ZNF292: variants seen among roughly 807,000 people sequenced by gnomAD.
ZNF292 encodes 16 zinc-finger domain protein.
In ZNF292, 26 loss-of-function variants were observed where a neutral mutation model predicts 217.9. The observed-to-expected ratio is 0.12, with a 90% CI of 0.09 to 0.17. ZNF292 has a LOEUF of 0.17. Ranked by LOEUF, ZNF292 falls within the 10% of genes least tolerant of loss-of-function variation. ZNF292 has a pLI of 1.00. For synonymous variants in ZNF292, 1,257 were observed against 1,124.1 expected, an observed-to-expected ratio of 1.12 and a Z score of -2.37; for missense variants, 2,904 against 3,175.2, an observed-to-expected ratio of 0.91 and a Z score of 2.05.
intron 1 of ZNF292, among the ~76,000 whole-genome samples, chr6:87,202,804 A>G (rs960905499): frequency 1.3e-5 from 2 of 151,752 alleles, no homozygotes; most frequent in Non-Finnish European, 1.5e-5. Flanking sequence ...AAAGTATTAC[A>G]TACAGTAAGG....
intron 5 of ZNF292, among the ~76,000 whole-genome samples, chr6:87,234,185 G>A (rs1029272109): frequency 6.6e-6 from 1 of 152,158 alleles, no homozygotes; most frequent in African/African-American, 2.4e-5. Context: ...ATTTCAAAAG[G>A]AAGTTGGAAA....
Position 87,260,682 on chromosome 6 carries a change from T to A in ZNF292, c.7053T>A (p.Ile2351=), listed in dbSNP as rs750244682. Residue 2351 remains isoleucine, a synonymous_variant, in exon 8 of 8, where the codon ATT becomes ATA. Transcript: ENST00000369577. ...ACAAGAATGCAAAGATTGTGCAGATTGAAGAAAATAAGCCTTATTCTCTGA... is the reference window on the plus strand; with the variant it reads ...ACAAGAATGCAAAGATTGTGCAGATAGAAGAAAATAAGCCTTATTCTCTGA... The part of the protein sequence containing the change: ...LENKNAKIVQ[I]EENKPYSLKR... 1 of 1,612,574 alleles carries A rather than the reference T, an allele frequency of 6.2e-7. No homozygotes were observed. Among genetic ancestry groups the A allele is most frequent in the African/African-American group, 1.3e-5 (1 of 74,778 alleles).
At chr6:87,156,093 C>T (rs561497934) in intron 1 of ZNF292, among the ~76,000 whole-genome samples, 44 of 152,296 alleles carry the variant, frequency 2.9e-4, no homozygotes, top group African/African-American at 1.0e-3. Context: ...AGGCCAGGTT[C>T]TCTTCCTCCT....
chr6:87,205,074 C>G lies in ZNF292; in HGVS notation c.169-10829C>G, dbSNP rs552293852. 7.2e-5 allele frequency among the ~76,000 whole-genome samples: 11 copies of G among 151,890 alleles called. 1 individual carries two copies. The highest frequency in any genetic ancestry group is 1.9e-4 in the African/African-American group (8 of 41,320). On this transcript the variant is annotated intron_variant, in intron 1 of 7. Transcript: ENST00000369577. Reference sequence around the variant, plus strand: ...AGAATTGTTTGCTGGGGTTTTTTCCCGCTCTCCACTGGCCCCAGACATGAT... The same window carrying G: ...AGAATTGTTTGCTGGGGTTTTTTCCGGCTCTCCACTGGCCCCAGACATGAT...
intron 4 of ZNF292, among the ~76,000 whole-genome samples, chr6:87,218,992 C>T (rs16878713): frequency 0.082 from 12,424 of 152,168 alleles, 858 homozygotes; most frequent in African/African-American, 0.19. Flanking sequence ...TCTGTAACTT[C>T]TGACAGGTGG....
At chr6:87,237,307 G>A (rs1463898956) in intron 5 of ZNF292, among the ~76,000 whole-genome samples, 2 of 152,072 alleles carry the variant, frequency 1.3e-5, no homozygotes, top group Non-Finnish European at 2.9e-5. Context: ...GTGCAGTGGT[G>A]TGATCTCAGC....
chr6:87,197,115 T>C (rs1771972137), intron 1 of ZNF292, among the ~76,000 whole-genome samples: 1 of 152,082 alleles, frequency 6.6e-6, no homozygotes, highest in African/African-American at 2.4e-5. Context: ...TTAGAGAAAC[T>C]GTAGAATTTA....
At chr6:87,173,522 T>A (rs967857681) in intron 1 of ZNF292, 2 of 167,116 alleles carry the variant, frequency 1.2e-5, no homozygotes, top group Non-Finnish European at 2.7e-5. Context: ...TTTCTTTTTC[T>A]CCTCCTTTGG....
At chr6:87,240,117 A>G (rs1774190061) in intron 5 of ZNF292, among the ~76,000 whole-genome samples, 1 of 152,194 alleles carries the variant, frequency 6.6e-6, no homozygotes, top group African/African-American at 2.4e-5. Context: ...CGGGAGGCCA[A>G]GGCTGGCAGA....
intron 1 of ZNF292, among the ~76,000 whole-genome samples, chr6:87,195,541 C>T (rs903276452): frequency 6.6e-6 from 1 of 152,148 alleles, no homozygotes; most frequent in Non-Finnish European, 1.5e-5. Context: ...AGAGCTGAAA[C>T]TGCAAAGCAA....
intron 3 of ZNF292, 22 bp downstream of exon 3, chr6:87,216,399 T>C (rs368844821): frequency 1.3e-6 from 2 of 1,515,220 alleles, no homozygotes; most frequent in Non-Finnish European, 1.8e-6. Flanking sequence ...TATCTTTAGA[T>C]TTAATACAGG....
chr6:87,246,694 A>G (rs1243404796), intron 7 of ZNF292, among the ~76,000 whole-genome samples: 1 of 151,756 alleles, frequency 6.6e-6, no homozygotes, highest in Admixed American at 6.6e-5. Flanking sequence ...ATGAAACCCC[A>G]TCTCTACTAA....
At chr6:87,251,362 GA>G (rs1312357913) in intron 7 of ZNF292, among the ~76,000 whole-genome samples, 15 of 152,212 alleles carry the variant, frequency 9.9e-5, no homozygotes, top group Non-Finnish European at 4.4e-5. Flanking sequence ...ATGGGAAACT[GA>G]AAGCAACATG....
At chr6:87,184,998 A>G (rs1330355939) in intron 1 of ZNF292, among the ~76,000 whole-genome samples, 1 of 152,242 alleles carries the variant, frequency 6.6e-6, no homozygotes, top group Non-Finnish European at 1.5e-5. Context: ...TAGTCCACTC[A>G]GACTCACACA....
At chr6:87,213,431 C>T (rs1772589387) in intron 1 of ZNF292, among the ~76,000 whole-genome samples, 1 of 152,174 alleles carries the variant, frequency 6.6e-6, no homozygotes, top group Non-Finnish European at 1.5e-5. Flanking sequence ...TTGTTCCTGA[C>T]GCAGGTATCC....
At chr6:87,165,882 C>G (rs747743016) in intron 1 of ZNF292, among the ~76,000 whole-genome samples, 1 of 151,888 alleles carries the variant, frequency 6.6e-6, no homozygotes, top group Non-Finnish European at 1.5e-5. Flanking sequence ...CTCAGCTTCC[C>G]GAGTAGCTGG....
intron 1 of ZNF292, among the ~76,000 whole-genome samples, chr6:87,180,936 C>T (rs984591228): frequency 2.6e-5 from 4 of 152,256 alleles, no homozygotes; most frequent in African/African-American, 9.6e-5. Flanking sequence ...AGAGGTGTGG[C>T]TCACCTGCTT....
At chr6:87,214,900 C>G (rs1382767395) in intron 1 of ZNF292, 1 of 151,942 alleles carries the variant, frequency 6.6e-6, no homozygotes, top group Non-Finnish European at 1.5e-5. Context: ...CAATCCCCCC[C>G]ACCCCTTCCC....
intron 1 of ZNF292, among the ~76,000 whole-genome samples, chr6:87,182,293 A>G (rs2084458425): frequency 1.3e-5 from 2 of 152,220 alleles, no homozygotes; most frequent in Admixed American, 1.3e-4. Context: ...AAAGTCTATT[A>G]TATTGTAATT....
Sources: gnomAD v4.1 joint callset for allele counts (sites outside exome capture counted in the v4.1 genomes callset) on GRCh38, gnomAD v4.1.1 for gene constraint, MANE v1.5 for transcripts, NCBI Gene and HGNC (gene_info 2026-07-23, HGNC 2026-07-21) for gene names.